SEPTIN11: variants seen among roughly 807,000 people sequenced by gnomAD.
SEPTIN11 encodes septin-11.
A neutral mutation model predicts 51.4 loss-of-function variants in SEPTIN11; 25 were observed. The ratio of observed to expected loss-of-function variants is 0.49; its 90% confidence interval spans 0.35 to 0.68. The LOEUF (loss-of-function observed/expected upper bound fraction) is 0.68, where lower values mean the gene tolerates loss of function less well. SEPTIN11 is among the 30% of genes least tolerant of loss of function. The pLI, the probability that SEPTIN11 is intolerant of heterozygous loss-of-function variation, is 0.00. For missense variants in SEPTIN11, 381 were observed against 520.8 expected, an observed-to-expected ratio of 0.73 and a Z score of 2.61; for synonymous variants, 174 against 184.1, an observed-to-expected ratio of 0.95 and a Z score of 0.44.
At chr4:76,976,950 T>A (rs1027949765) in intron 1 of SEPTIN11, among the ~76,000 whole-genome samples, 3 of 152,252 alleles carry the variant, frequency 2.0e-5, no homozygotes, top group African/African-American at 7.2e-5. Context: ...GATGTTTAGC[T>A]ATGGAATATA....
At chr4:76,997,655 T>G (rs1419836075) in intron 2 of SEPTIN11, among the ~76,000 whole-genome samples, 1 of 152,150 alleles carries the variant, frequency 6.6e-6, no homozygotes, top group Non-Finnish European at 1.5e-5. Context: ...ATCTCATGCT[T>G]TCCCCTTTTC....
intron 1 of SEPTIN11, among the ~76,000 whole-genome samples, chr4:76,953,496 T>TA (rs997427994): frequency 6.6e-6 from 1 of 152,188 alleles, no homozygotes; most frequent in African/African-American, 2.4e-5. Flanking sequence ...AATAAAATGT[T>TA]ACTTTCCCTT....
At chr4:76,983,949 T>G (rs1483376329) in intron 1 of SEPTIN11, among the ~76,000 whole-genome samples, 1 of 152,022 alleles carries the variant, frequency 6.6e-6, no homozygotes, top group Non-Finnish European at 1.5e-5. Context: ...GGAGGTTGCA[T>G]TGAGCCGAGA....
chr4:76,960,153 T>C (rs1319711222), intron 1 of SEPTIN11, among the ~76,000 whole-genome samples: 1 of 152,214 alleles, frequency 6.6e-6, no homozygotes, highest in Non-Finnish European at 1.5e-5. Flanking sequence ...TTTTAGATTC[T>C]CCTCACGTTT....
intron 1 of SEPTIN11, among the ~76,000 whole-genome samples, chr4:76,962,725 A>T (rs1435970793): frequency 6.6e-6 from 1 of 152,250 alleles, no homozygotes; most frequent in Non-Finnish European, 1.5e-5. Flanking sequence ...GTCCAGAATA[A>T]GGGGAAATAT....
intron 1 of SEPTIN11, among the ~76,000 whole-genome samples, chr4:76,977,976 C>T (rs1722579977): frequency 6.6e-6 from 1 of 152,184 alleles, no homozygotes; most frequent in Non-Finnish European, 1.5e-5. Context: ...CTGCTAACTG[C>T]ATCCTTTCTT....
At chr4:77,029,113 T>C (rs559518583) in intron 8 of SEPTIN11, among the ~76,000 whole-genome samples, 1 of 152,326 alleles carries the variant, frequency 6.6e-6, no homozygotes, top group Non-Finnish European at 1.5e-5. Flanking sequence ...GCGACTATTA[T>C]TATCTTCTTA....
rs1485167312 is a variant in SEPTIN11, at chr4:77,016,597, CACATATATATATAT to C, written c.687+1584_687+1597del. 2.9e-4 allele frequency among the ~76,000 whole-genome samples: 29 copies of C among 99,758 alleles called. 1 individual carries two copies. Among genetic ancestry groups the C allele is most frequent in the African/African-American group, 1.1e-3 (28 of 25,388 alleles). The allele number at this position is 99,758 out of a possible 152,430, so 65.4% of individuals were successfully genotyped here. On this transcript the variant is annotated intron_variant, in intron 5 of 9. Coordinates refer to ENST00000264893, the MANE Select transcript of SEPTIN11 (RefSeq NM_018243.4). Reference sequence around the variant, plus strand: ...TATATATATAGCATATATATACACACACATATATATATATACACATATATATATATATACACATA... The same window carrying C: ...TATATATATAGCATATATATACACACACACATATATATATATATACACATA...
At position 77,035,784 on chromosome 4, in the gene SEPTIN11, T is replaced by C. The variant is rs960219517; in HGVS notation, c.*1272T>C. On this transcript the variant is annotated 3_prime_UTR_variant, in exon 10 of 10. Coordinates refer to ENST00000264893, the MANE Select transcript of SEPTIN11 (RefSeq NM_018243.4). ...CCCATATGCCAGAACCTGTACTAAATGCCTAATTTGTATGGAAGAGTGCAT... is the reference window on the plus strand; with the variant it reads ...CCCATATGCCAGAACCTGTACTAAACGCCTAATTTGTATGGAAGAGTGCAT... 2 of 985,864 alleles carry C rather than the reference T, an allele frequency of 2.0e-6. No individual in the cohort carries two copies. Among genetic ancestry groups the C allele is most frequent in the African/African-American group, 3.5e-5 (2 of 57,374 alleles). The allele number at this position is 985,864 out of a possible 1,614,324, so 61.1% of individuals were successfully genotyped here. A position where few individuals can be genotyped will look rare whatever the true frequency, so the allele number is the denominator to read the frequency against.
intron 1 of SEPTIN11, among the ~76,000 whole-genome samples, chr4:76,966,655 A>T (rs1302332482): frequency 6.6e-6 from 1 of 151,686 alleles, no homozygotes; most frequent in African/African-American, 2.4e-5. Context: ...TGAGCCCAGG[A>T]GGTTGAGACC....
chr4:76,949,963 G>A, intron 1 of SEPTIN11, 33 bp downstream of exon 1: 2 of 1,439,800 alleles, frequency 1.4e-6, no homozygotes, highest in Non-Finnish European at 1.8e-6. Flanking sequence ...CTGCTCCTCG[G>A]GCGCCGGGTG....
At position 77,005,625 on chromosome 4, in the gene SEPTIN11, C is replaced by T. The variant is rs1369285397; in HGVS notation, c.167C>T (p.Thr56Met). 5.6e-6 allele frequency: 9 copies of T among 1,613,554 alleles called. No homozygotes were observed. Among genetic ancestry groups the T allele is most frequent in the African/African-American group, 2.7e-5 (2 of 74,900 alleles). ...CVGETGIGKSTLMDTLFNTKF... is the reference protein window; with the variant it reads ...CVGETGIGKSMLMDTLFNTKF... ...GGTGAGACAGGCATTGGCAAATCCA[C>T]GTTAATGGACACTTTGTTCAACACC... The change falls in exon 3 of 10, where the codon ACG becomes ATG. Residue 56 changes from threonine (T) to methionine (M), a missense_variant. Transcript: ENST00000264893.
chr4:77,033,722 GTTAAGATGCAAACAGTT>G (rs1464894276), intron 9 of SEPTIN11, among the ~76,000 whole-genome samples: 13 of 152,154 alleles, frequency 8.5e-5, no homozygotes, highest in Non-Finnish European at 1.9e-4. Context: ...GCATTTGCTG[GTTAAGATGCAAACAGTT>G]TTAAAATTCG....
chr4:77,035,497 G>T lies in SEPTIN11; in HGVS notation c.*985G>T. ...CCTTAGAAAATTTGCTATAAACTCTGTATCATTGGTAGCACAAATTTGAGC... is the reference window on the plus strand; with the variant it reads ...CCTTAGAAAATTTGCTATAAACTCTTTATCATTGGTAGCACAAATTTGAGC... On this transcript the variant is annotated 3_prime_UTR_variant, in exon 10 of 10. Transcript: ENST00000264893. 4.1e-6 allele frequency: 4 copies of T among 985,336 alleles called. No homozygotes were observed. Among genetic ancestry groups the T allele is most frequent in the Non-Finnish European group, 4.8e-6 (4 of 829,912 alleles). The allele number at this position is 985,336 out of a possible 1,614,324, so 61.0% of individuals were successfully genotyped here. A position where few individuals can be genotyped will look rare whatever the true frequency, so the allele number is the denominator to read the frequency against.
In SEPTIN11 at chr4:77,024,469, G is replaced by A. The variant is rs1015595961; in HGVS notation, c.953+3799G>A. ...AGCCCCTTTCTGGCTGGCATTATAG[G>A]GTAGAAGAGGAGACGTCACGTGTCT... On this transcript the variant is annotated intron_variant, in intron 7 of 9. Transcript: ENST00000264893. The surrounding 1 kb of genome is among the most constrained non-coding windows in gnomAD (Gnocchi z 4.2). Among the ~76,000 whole-genome samples, 1 of 151,850 alleles carries A rather than the reference G, an allele frequency of 6.6e-6. No individual in the cohort carries two copies. Among genetic ancestry groups the A allele is most frequent in the Non-Finnish European group, 1.5e-5 (1 of 67,990 alleles).
chr4:76,971,952 A>T (rs1184284803), intron 1 of SEPTIN11, among the ~76,000 whole-genome samples: 1 of 152,218 alleles, frequency 6.6e-6, no homozygotes, highest in Admixed American at 6.5e-5. Context: ...CTATTTTTTT[A>T]AAAGTAATTG....
chr4:77,038,807 A>G (rs1727208455), downstream of SEPTIN11, among the ~76,000 whole-genome samples: 1 of 152,062 alleles, frequency 6.6e-6, no homozygotes, highest in African/African-American at 2.4e-5. Context: ...TGTACTTCAC[A>G]TATCATGTTA....
At chr4:76,950,026 C>G in intron 1 of SEPTIN11, 96 bp downstream of exon 1, 1 of 1,239,304 alleles carries the variant, frequency 8.1e-7, no homozygotes. Context: ...CGGGCGGGTG[C>G]TCGGCCCCGC....
intron 1 of SEPTIN11, among the ~76,000 whole-genome samples, chr4:76,971,595 AGATTT>A (rs1006550107): frequency 6.6e-6 from 1 of 152,218 alleles, no homozygotes. Flanking sequence ...GATTAAGATT[AGATTT>A]AAGATTTAAA....
Sources: gnomAD v4.1 joint callset for allele counts (sites outside exome capture counted in the v4.1 genomes callset) on GRCh38, gnomAD v4.1.1 for gene constraint, Gnocchi (gnomAD v3.1) non-coding constraint, MANE v1.5 for transcripts, NCBI Gene and HGNC (gene_info 2026-07-23, HGNC 2026-07-21) for gene names.